The following ANKRD30A variants were observed in gnomAD, a reference collection of about 807,000 sequenced individuals.
The protein encoded by ANKRD30A is ankyrin repeat domain-containing protein 30A.
Under a neutral mutation model 166.3 loss-of-function variants are expected in ANKRD30A, and 170 were observed. That is an observed-to-expected ratio of 1.02 (90% CI 0.90 to 1.16). The LOEUF is 1.16. ANKRD30A is among the 50% of genes most tolerant of loss of function. The pLI is 0.00. For synonymous variants in ANKRD30A, 564 were observed against 508.9 expected (o/e 1.11, Z -1.46); for missense variants, 1,630 against 1,518.0 (o/e 1.07, Z -1.23).
intron 11 of ANKRD30A, 151 bp downstream of exon 11, chr10:37,150,000 G>C (rs980619517): frequency 8.8e-7 from 1 of 1,135,014 alleles, no homozygotes; most frequent in Non-Finnish European, 1.2e-6. Flanking sequence ...TTGAAAACCT[G>C]ATATTACAAG....
the ANKRD30A span, among the ~76,000 whole-genome samples, chr10:37,262,097 G>T: frequency 6.6e-6 from 1 of 152,054 alleles, no homozygotes; most frequent in African/African-American, 2.4e-5. Context: ...TTACATTATT[G>T]TTTTTGAAGG....
intron 6 of ANKRD30A, among the ~76,000 whole-genome samples, chr10:37,140,997 C>T (rs1837059405): frequency 2.0e-5 from 3 of 152,116 alleles, no homozygotes; most frequent in Admixed American, 6.6e-5. Context: ...CATTTATCCA[C>T]TTGTCCACTT....
the ANKRD30A span, among the ~76,000 whole-genome samples, chr10:37,246,731 G>A: frequency 6.6e-6 from 1 of 152,108 alleles, no homozygotes; most frequent in East Asian, 1.9e-4. Context: ...CATTAAGGAT[G>A]GTTCTAGAGA....
At chr10:37,221,547 A>G (rs1357630987) in intron 34 of ANKRD30A, among the ~76,000 whole-genome samples, 5 of 151,376 alleles carry the variant, frequency 3.3e-5, no homozygotes, top group African/African-American at 1.2e-4. Flanking sequence ...TTATGATACT[A>G]ACTTCCATGG....
At chr10:37,141,548 G>A (rs921205401) in intron 6 of ANKRD30A, among the ~76,000 whole-genome samples, 170 bp from the exon 7 acceptor site, 4 of 148,540 alleles carry the variant, frequency 2.7e-5, no homozygotes, top group African/African-American at 1.0e-4. Flanking sequence ...ACTCCAGCAT[G>A]GGTGACTGAG....
chr10:37,251,774 G>T, the ANKRD30A span, among the ~76,000 whole-genome samples: 1 of 152,074 alleles, frequency 6.6e-6, no homozygotes, highest in Non-Finnish European at 1.5e-5. Flanking sequence ...ATTTCACTTT[G>T]CTTATTTTCA....
chr10:37,161,050 G>C (rs1390621282), intron 15 of ANKRD30A, among the ~76,000 whole-genome samples: 2 of 152,130 alleles, frequency 1.3e-5, no homozygotes, highest in Non-Finnish European at 2.9e-5. Context: ...TTAGGAGATC[G>C]AGACCATCCT....
At chr10:37,191,463 A>C (rs1432077759) in intron 25 of ANKRD30A, among the ~76,000 whole-genome samples, 1 of 151,974 alleles carries the variant, frequency 6.6e-6, no homozygotes, top group Non-Finnish European at 1.5e-5. Flanking sequence ...ATAAATTATT[A>C]TAATGTGTTG....
Position 37,199,504 on chromosome 10 carries a change from A to C in ANKRD30A, c.2717-223A>C, listed in dbSNP as rs182659741. Reference sequence around the variant, plus strand: ...TAATTCATAGAAGTTAGTCAAATTTATATTTTTGTGCATTCTAATGAAATA... The same window carrying C: ...TAATTCATAGAAGTTAGTCAAATTTCTATTTTTGTGCATTCTAATGAAATA... On this transcript the variant is annotated intron_variant, in intron 29 of 35. Transcript: ENST00000361713. Among the ~76,000 whole-genome samples the C allele has an allele frequency of 9.9e-5, 15 of 152,150 alleles. 1 individual carries two copies. The highest frequency in any genetic ancestry group is 3.1e-4 in the African/African-American group (13 of 41,562).
chr10:37,193,984 C>G (rs1840832928), intron 27 of ANKRD30A, among the ~76,000 whole-genome samples: 1 of 152,134 alleles, frequency 6.6e-6, no homozygotes, highest in Non-Finnish European at 1.5e-5. Flanking sequence ...AAGTTAAGGT[C>G]AGGAGTCCCA....
intron 9 of ANKRD30A, among the ~76,000 whole-genome samples, chr10:37,149,272 T>C (rs1837734294): frequency 1.3e-5 from 2 of 152,022 alleles, no homozygotes; most frequent in African/African-American, 2.4e-5. Flanking sequence ...AACTATGTAC[T>C]TTTCCAAAGA....
chr10:37,230,788 A>T (rs1843380782), intron 34 of ANKRD30A, among the ~76,000 whole-genome samples: 1 of 152,208 alleles, frequency 6.6e-6, no homozygotes, highest in African/African-American at 2.4e-5. Flanking sequence ...AATTAATAAT[A>T]CAGAGATTAA....
Position 37,231,465 on chromosome 10 carries a change from C to A in ANKRD30A, c.4190C>A (p.Ser1397Ter). The A allele has an allele frequency of 2.5e-6, 4 of 1,587,794 alleles. No homozygotes were observed. Among genetic ancestry groups the A allele is most frequent in the East Asian group, 4.6e-5 (2 of 43,842 alleles). Residue 1397 changes from serine (S) to a stop codon, truncating the protein, a stop_gained, in exon 35 of 36, where the codon TCA becomes TAA. Transcript: ENST00000361713. LOFTEE classifies it high-confidence loss of function. The part of the protein sequence containing the change: ...YEKEKAETEN[S>*] ...TTCCTTTTGCAATCTTCACAGAACT[C>A]ATGAGAGACAAGCAGTAAGAAACTT...
the ANKRD30A span, chr10:37,262,614 G>A: frequency 6.5e-6 from 1 of 153,726 alleles, no homozygotes; most frequent in Non-Finnish European, 1.5e-5. Context: ...AAGCCTAGGG[G>A]AAACAATAAA....
intron 34 of ANKRD30A, among the ~76,000 whole-genome samples, chr10:37,229,252 T>A (rs1843306197): frequency 6.6e-6 from 1 of 151,952 alleles, no homozygotes; most frequent in Non-Finnish European, 1.5e-5. Flanking sequence ...GGTACCCCCT[T>A]CTCCTGTTTT....
chr10:37,201,352 T>A (rs2132693700), intron 31 of ANKRD30A, 27 bp downstream of exon 31: 1 of 1,487,724 alleles, frequency 6.7e-7, no homozygotes, highest in Non-Finnish European at 9.1e-7. Flanking sequence ...ATTTAAAAGG[T>A]CATTTGACCA....
intron 34 of ANKRD30A, among the ~76,000 whole-genome samples, chr10:37,228,143 A>C (rs1843247778): frequency 6.6e-6 from 1 of 152,114 alleles, no homozygotes; most frequent in Non-Finnish European, 1.5e-5. Flanking sequence ...TCAAAGAAAA[A>C]GTTTCAGAAG....
intron 34 of ANKRD30A, among the ~76,000 whole-genome samples, chr10:37,226,634 T>C (rs1379527056): frequency 1.3e-5 from 2 of 151,902 alleles, no homozygotes; most frequent in African/African-American, 2.4e-5. Context: ...TGGGCTAATA[T>C]TAATAGTGCT....
At chr10:37,144,226 G>A (rs1313545774) in intron 7 of ANKRD30A, among the ~76,000 whole-genome samples, 1 of 152,078 alleles carries the variant, frequency 6.6e-6, no homozygotes, top group Non-Finnish European at 1.5e-5. Context: ...TTTGTTTTCT[G>A]TCTCATGGCT....
Sources: allele counts gnomAD v4.1 joint callset (sites outside exome capture counted in the v4.1 genomes callset), GRCh38; gene constraint gnomAD v4.1.1; transcripts MANE v1.5; gene names NCBI Gene and HGNC (gene_info 2026-07-23, HGNC 2026-07-21).